Variants in RWDD4 observed in about 807,000 individuals in gnomAD.
RWDD4 encodes RWD domain containing 4.
A neutral mutation model predicts 30.0 loss-of-function variants in RWDD4; 16 were observed. That is an observed-to-expected ratio of 0.53 (90% CI 0.36 to 0.81). RWDD4 has a LOEUF of 0.81. Among genes scored for constraint, RWDD4 ranks in the 30% least tolerant of loss-of-function variants. The probability of loss-of-function intolerance (pLI) is 0.00; values close to 1 mark genes in which losing one functional copy is unlikely to be tolerated. For missense variants in RWDD4, 170 were observed against 223.9 expected (o/e 0.76, Z 1.54); for synonymous variants, 45 against 72.1 (o/e 0.62, Z 1.90).
chr4:183,642,075 C>T (rs544480193), intron 7 of RWDD4, among the ~76,000 whole-genome samples: 16 of 152,092 alleles, frequency 1.1e-4, no homozygotes, highest in Non-Finnish European at 1.5e-5. Flanking sequence ...GGCCACCGCA[C>T]CTGACAACTC....
rs202115735 is a variant in RWDD4 at position 183,651,098 on chromosome 4, C to T, written c.249G>A (p.Lys83=). The change falls in exon 4 of 8, where the codon AAG becomes AAA. Residue 83 remains lysine, a synonymous_variant. Transcript: ENST00000326397. The part of the protein sequence containing the change: ...SSAVKQSILA[K]LQEAVEANLG... Reference sequence around the variant, plus strand: ...GATTAGCTTCTACTGCTTCCTGTAGCTTGGCTAATATACTCTGCTTTACAG... The same window carrying T: ...GATTAGCTTCTACTGCTTCCTGTAGTTTGGCTAATATACTCTGCTTTACAG... 30 of 1,614,094 alleles carry T rather than the reference C, an allele frequency of 1.9e-5. No individual in the cohort carries two copies. In the East Asian group the frequency reaches 5.8e-4, roughly 31 times the overall value.
intron 7 of RWDD4, among the ~76,000 whole-genome samples, chr4:183,642,612 T>A (rs1156888756): frequency 6.6e-6 from 1 of 151,842 alleles, no homozygotes; most frequent in Non-Finnish European, 1.5e-5. Context: ...AAGAACAACC[T>A]GGGTTAATAT....
chr4:183,643,014 G>A (rs571105572), intron 7 of RWDD4, among the ~76,000 whole-genome samples: 13 of 150,328 alleles, frequency 8.6e-5, no homozygotes, highest in Admixed American at 6.6e-4. Context: ...AGCCGAGATC[G>A]TGTGACTGCA....
chr4:183,646,304 G>C (rs1430555473), intron 7 of RWDD4, 47 bp downstream of exon 7: 1 of 803,112 alleles, frequency 1.2e-6, no homozygotes, highest in Middle Eastern at 2.3e-4. Context: ...CTAAAATTGA[G>C]AGTGCAGGGA....
At chr4:183,654,211 G>C (rs568777049) in intron 2 of RWDD4, among the ~76,000 whole-genome samples, 1 of 152,296 alleles carries the variant, frequency 6.6e-6, no homozygotes, top group East Asian at 1.9e-4. Context: ...GAAGGATTTG[G>C]AGTGTCAAGT....
intron 2 of RWDD4, among the ~76,000 whole-genome samples, chr4:183,652,709 C>CT (rs1228032966): frequency 2.0e-5 from 3 of 151,404 alleles, no homozygotes; most frequent in African/African-American, 7.3e-5. Context: ...GCTCAGGAGG[C>CT]TGAGGCAGGA....
intron 5 of RWDD4, among the ~76,000 whole-genome samples, chr4:183,648,400 G>A (rs1734006645): frequency 6.6e-6 from 1 of 152,140 alleles, no homozygotes; most frequent in Non-Finnish European, 1.5e-5. Context: ...TTCCCTAACT[G>A]TGAAAAAGTT....
chr4:183,658,799 G>A (rs1271795050), intron 1 of RWDD4, 130 bp downstream of exon 1: 2 of 795,522 alleles, frequency 2.5e-6, no homozygotes, highest in East Asian at 6.8e-5. Flanking sequence ...CGGTGAACTC[G>A]GGGCACCCCG....
chr4:183,646,094 G>A (rs1733961075), intron 7 of RWDD4, among the ~76,000 whole-genome samples: 1 of 152,098 alleles, frequency 6.6e-6, no homozygotes, highest in Admixed American at 6.6e-5. Context: ...AGTATAGACA[G>A]GGTTTCACCA....
At chr4:183,652,022 C>T (rs962346381) in intron 2 of RWDD4, among the ~76,000 whole-genome samples, 3 of 152,176 alleles carry the variant, frequency 2.0e-5, no homozygotes, top group African/African-American at 7.2e-5. Flanking sequence ...AGAATCAACC[C>T]CTACTCTCCC....
intron 5 of RWDD4, 147 bp downstream of exon 5, chr4:183,649,304 C>T (rs972245484): frequency 1.5e-5 from 8 of 534,642 alleles, no homozygotes; most frequent in Non-Finnish European, 2.7e-5. Context: ...ATCCCAACTA[C>T]TCGGGAGGCT....
chr4:183,641,524 T>G (rs1261702057), intron 7 of RWDD4, 56 bp from the exon 8 acceptor site: 15 of 1,337,116 alleles, frequency 1.1e-5, no homozygotes, highest in Non-Finnish European at 1.4e-5. Context: ...GTTCACTATT[T>G]CCATGGAGTA....
At chr4:183,656,342 T>TA (rs1029678248) in intron 1 of RWDD4, among the ~76,000 whole-genome samples, 1 of 152,214 alleles carries the variant, frequency 6.6e-6, no homozygotes, top group African/African-American at 2.4e-5. Context: ...GCATTAAACC[T>TA]AAAGATAAGA....
At chr4:183,651,372 G>C in intron 2 of RWDD4, 45 bp from the exon 3 acceptor site, 1 of 1,321,080 alleles carries the variant, frequency 7.6e-7, no homozygotes, top group Non-Finnish European at 1.1e-6. Flanking sequence ...GTGATAAAAA[G>C]ACAGAAAACT....
intron 2 of RWDD4, among the ~76,000 whole-genome samples, chr4:183,651,884 C>T (rs1054736946): frequency 2.0e-5 from 3 of 152,162 alleles, no homozygotes; most frequent in Non-Finnish European, 4.4e-5. Context: ...TTCCGCTCTG[C>T]TAACTTTTTA....
rs1242953730 is a variant in RWDD4, at chr4:183,659,118, A to G, written c.-166T>C. ...AACTGCGCGCGCCCCGAGCCTCGGC[A>G]GCGCCCAGCCGCCGGCAGTGGGCTG... On this transcript the variant is annotated 5_prime_UTR_variant, in exon 1 of 8. Coordinates refer to ENST00000326397, the MANE Select transcript of RWDD4 (RefSeq NM_152682.4). 3 of 478,970 alleles carry G rather than the reference A, an allele frequency of 6.3e-6. No homozygotes were observed. The highest frequency in any genetic ancestry group is 9.9e-6 in the Non-Finnish European group (3 of 301,874). The allele number at this position is 478,970 out of a possible 1,614,324, so 29.7% of individuals were successfully genotyped here. A position where few individuals can be genotyped will look rare whatever the true frequency, so the allele number is the denominator to read the frequency against.
intron 2 of RWDD4, among the ~76,000 whole-genome samples, chr4:183,654,222 G>T (rs79029289): frequency 0.017 from 2,623 of 152,228 alleles, 65 homozygotes; most frequent in African/African-American, 0.06. Flanking sequence ...AGTGTCAAGT[G>T]AAAAAATTTC....
chr4:183,645,960 T>C (rs1733958590), intron 7 of RWDD4, among the ~76,000 whole-genome samples: 3 of 152,302 alleles, frequency 2.0e-5, no homozygotes, highest in Admixed American at 2.0e-4. Flanking sequence ...TGGAGTGCAG[T>C]GGCACGATCT....
rs1411391835 is a variant in RWDD4, at chr4:183,640,873, G to A, written c.*563C>T. 2 of 144,520 alleles carry A rather than the reference G, an allele frequency of 1.4e-5. No individual in the cohort carries two copies. Among genetic ancestry groups the A allele is most frequent in the African/African-American group, 5.1e-5 (2 of 39,236 alleles). The allele number at this position is 144,520 out of a possible 1,614,324, so 9.0% of individuals were successfully genotyped here. ...ATAAATAGATATTAATTTATTAAAA[G>A]GAAGCAGTTCATCTTTCAAAAATTA... On this transcript the variant is annotated 3_prime_UTR_variant, in exon 8 of 8. Coordinates refer to ENST00000326397, the MANE Select transcript of RWDD4 (RefSeq NM_152682.4).
Sources: gnomAD v4.1 joint callset for allele counts (sites outside exome capture counted in the v4.1 genomes callset) on GRCh38, gnomAD v4.1.1 for gene constraint, MANE v1.5 for transcripts, NCBI Gene and HGNC (gene_info 2026-07-23, HGNC 2026-07-21) for gene names.